SLC24A2: variants seen among roughly 807,000 people sequenced by gnomAD.
The protein encoded by SLC24A2 is solute carrier family 24 member 2, also known as sodium/potassium/calcium exchanger 2.
In SLC24A2, 36 loss-of-function variants were observed where a neutral mutation model predicts 62.0. The observed-to-expected ratio is 0.58, with a 90% confidence interval of 0.44 to 0.77. The LOEUF is 0.77. Among genes scored for constraint, SLC24A2 ranks in the 30% least tolerant of loss-of-function variants. SLC24A2 has a pLI of 0.00. For missense variants in SLC24A2, 846 were observed against 817.9 expected (o/e 1.03, Z -0.42); for synonymous variants, 358 against 294.0 (o/e 1.22, Z -2.23).
intron 2 of SLC24A2, among the ~76,000 whole-genome samples, chr9:19,684,075 A>G (rs1819801955): frequency 6.6e-6 from 1 of 152,182 alleles, no homozygotes; most frequent in African/African-American, 2.4e-5. Flanking sequence ...TAAAAACAGT[A>G]GACACAGGGT....
the SLC24A2 span, among the ~76,000 whole-genome samples, chr9:20,112,538 A>C: frequency 6.6e-6 from 1 of 152,180 alleles, no homozygotes; most frequent in East Asian, 1.9e-4. Flanking sequence ...CCCATATTAA[A>C]GGAAAAATGT....
chr9:20,165,816 T>A, the SLC24A2 span, among the ~76,000 whole-genome samples: 5 of 151,846 alleles, frequency 3.3e-5, no homozygotes, highest in Non-Finnish European at 1.5e-5. Context: ...AAAAGGTTTT[T>A]GCATAAAAAA....
chr9:20,303,125 T>A, the SLC24A2 span, among the ~76,000 whole-genome samples: 1 of 152,150 alleles, frequency 6.6e-6, no homozygotes, highest in African/African-American at 2.4e-5. Context: ...TATCTGTATT[T>A]TTTTTCTTTA....
At chr9:19,952,820 T>C in the SLC24A2 span, among the ~76,000 whole-genome samples, 1 of 152,042 alleles carries the variant, frequency 6.6e-6, no homozygotes, top group South Asian at 2.1e-4. Context: ...ATAAGACTAG[T>C]ATTAGTTCTT....
At chr9:20,135,988 T>A in the SLC24A2 span, among the ~76,000 whole-genome samples, 41 of 152,122 alleles carry the variant, frequency 2.7e-4, no homozygotes, top group Admixed American at 2.7e-3. Flanking sequence ...AGATCTACTA[T>A]GTGCCAGATA....
chr9:20,035,939 T>C, the SLC24A2 span, among the ~76,000 whole-genome samples: 1 of 152,108 alleles, frequency 6.6e-6, no homozygotes, highest in Non-Finnish European at 1.5e-5. Flanking sequence ...AGGGGTATAA[T>C]TTGGCTCGGA....
At chr9:20,011,071 C>T in the SLC24A2 span, among the ~76,000 whole-genome samples, 1 of 152,106 alleles carries the variant, frequency 6.6e-6, no homozygotes, top group Non-Finnish European at 1.5e-5. Context: ...AATAAACATA[C>T]ATGTGCATGT....
chr9:20,040,704 G>C, the SLC24A2 span, among the ~76,000 whole-genome samples: 3 of 152,178 alleles, frequency 2.0e-5, no homozygotes, highest in African/African-American at 7.2e-5. Context: ...ATTGCCCACA[G>C]TCATTCATCA....
rs1372626888 is a variant in SLC24A2 at position 19,514,857 on chromosome 9, A to C, written c.*1296T>G. ...TGAGTGTGCAAATGCCTTTCCAAGC[A>C]TCGCTAAGTTGCCTCAACCCAAGCA... On this transcript the variant is annotated 3_prime_UTR_variant, in exon 11 of 11. Transcript: ENST00000341998. The C allele has an allele frequency of 6.6e-6, 1 of 152,252 alleles. No homozygotes were observed. Among genetic ancestry groups the C allele is most frequent in the African/African-American group, 2.4e-5 (1 of 41,466 alleles). The allele number at this position is 152,252 out of a possible 1,614,324, so 9.4% of individuals were successfully genotyped here. A position where few individuals can be genotyped will look rare whatever the true frequency, so the allele number is the denominator to read the frequency against.
chr9:20,228,671 C>A, the SLC24A2 span, among the ~76,000 whole-genome samples: 5 of 152,000 alleles, frequency 3.3e-5, no homozygotes, highest in Non-Finnish European at 5.9e-5. Flanking sequence ...GAGGTCAAGT[C>A]CTAGAAGAAA....
chr9:19,853,428 T>C, the SLC24A2 span, among the ~76,000 whole-genome samples: 1 of 152,124 alleles, frequency 6.6e-6, no homozygotes, highest in South Asian at 2.1e-4. Flanking sequence ...CTTTCAGTAT[T>C]ACACTGGCTG....
chr9:20,284,726 A>G, the SLC24A2 span, among the ~76,000 whole-genome samples: 1 of 152,202 alleles, frequency 6.6e-6, no homozygotes, highest in South Asian at 2.1e-4. Context: ...ATAAAGCACC[A>G]TTCAATCCTG....
the SLC24A2 span, among the ~76,000 whole-genome samples, chr9:20,039,981 C>T: frequency 1.3e-5 from 2 of 152,188 alleles, no homozygotes. Context: ...TTTTCCGTTT[C>T]CCAGCTCTGT....
At chr9:20,303,760 T>G in the SLC24A2 span, among the ~76,000 whole-genome samples, 1 of 152,324 alleles carries the variant, frequency 6.6e-6, no homozygotes, top group East Asian at 1.9e-4. Context: ...TCATTTTATT[T>G]TTAATAGAGA....
chr9:20,095,212 C>T, the SLC24A2 span, among the ~76,000 whole-genome samples: 5 of 152,108 alleles, frequency 3.3e-5, no homozygotes, highest in Non-Finnish European at 5.9e-5. Flanking sequence ...GCTTATTACT[C>T]AAATGAACAC....
intron 4 of SLC24A2, among the ~76,000 whole-genome samples, chr9:19,613,752 G>A (rs1817690608): frequency 6.6e-6 from 1 of 152,166 alleles, no homozygotes; most frequent in African/African-American, 2.4e-5. Context: ...AGGAGAACAA[G>A]GAATGCTGGG....
the SLC24A2 span, among the ~76,000 whole-genome samples, chr9:20,262,437 T>C: frequency 1.3e-5 from 2 of 152,232 alleles, no homozygotes; most frequent in African/African-American, 4.8e-5. Flanking sequence ...GTGGTCATTG[T>C]TGGCTCACAA....
At chr9:20,202,081 G>A in the SLC24A2 span, among the ~76,000 whole-genome samples, 1 of 150,342 alleles carries the variant, frequency 6.7e-6, no homozygotes, top group Admixed American at 6.6e-5. Context: ...GTGTGTGTGT[G>A]TGTGTGTGTG....
the SLC24A2 span, among the ~76,000 whole-genome samples, chr9:20,211,226 A>T: frequency 6.6e-6 from 1 of 152,104 alleles, no homozygotes; most frequent in South Asian, 2.1e-4. Context: ...AAAATAATAC[A>T]TGCTGGCCGG....
Sources: allele counts gnomAD v4.1 joint callset (sites outside exome capture counted in the v4.1 genomes callset), GRCh38; gene constraint gnomAD v4.1.1; transcripts MANE v1.5; gene names NCBI Gene and HGNC (gene_info 2026-07-23, HGNC 2026-07-21).